Variants in TENM2 observed in about 807,000 individuals in gnomAD.
TENM2 encodes teneurin-2.
Under a neutral mutation model 245.2 loss-of-function variants are expected in TENM2, and 52 were observed. That is an observed-to-expected ratio of 0.21 (90% CI 0.17 to 0.27). The LOEUF is 0.27. TENM2 is among the 10% of genes least tolerant of loss of function. The probability of loss-of-function intolerance (pLI) is 1.00; values close to 1 mark genes in which losing one functional copy is unlikely to be tolerated. For synonymous variants in TENM2, 1,363 were observed against 1,438.9 expected, an observed-to-expected ratio of 0.95 and a Z score of 1.19; for missense variants, 3,046 against 3,666.8, an observed-to-expected ratio of 0.83 and a Z score of 4.37.
At chr5:167,019,580 C>T in the TENM2 span, among the ~76,000 whole-genome samples, 1 of 152,088 alleles carries the variant, frequency 6.6e-6, no homozygotes, top group East Asian at 1.9e-4. Context: ...AAGCAATTCT[C>T]CTGCCTCAGC....
At chr5:167,374,918 A>G (rs551515317) in intron 1 of TENM2, among the ~76,000 whole-genome samples, 5 of 152,322 alleles carry the variant, frequency 3.3e-5, no homozygotes, top group Non-Finnish European at 5.9e-5. Flanking sequence ...TTTCAGCTAC[A>G]TGGAGCTACC....
chr5:167,246,186 G>T, the TENM2 span, among the ~76,000 whole-genome samples: 2 of 152,110 alleles, frequency 1.3e-5, no homozygotes, highest in Non-Finnish European at 2.9e-5. Flanking sequence ...GTAATACTCT[G>T]CAGCTTTTGA....
At chr5:167,611,965 T>A (rs568437285) in intron 2 of TENM2, among the ~76,000 whole-genome samples, 1 of 152,150 alleles carries the variant, frequency 6.6e-6, no homozygotes, top group South Asian at 2.1e-4. Flanking sequence ...ACATTTTATA[T>A]CATGTTCCAA....
At chr5:167,461,718 G>A (rs1378057344) in intron 2 of TENM2, among the ~76,000 whole-genome samples, 1 of 152,108 alleles carries the variant, frequency 6.6e-6, no homozygotes, top group Non-Finnish European at 1.5e-5. Context: ...AAGGCTCTAT[G>A]TCAAATAAAT....
At chr5:168,089,937 A>G (rs550672043) in intron 7 of TENM2, among the ~76,000 whole-genome samples, 17 of 152,272 alleles carry the variant, frequency 1.1e-4, no homozygotes, top group Middle Eastern at 3.4e-3. Context: ...TGGGAAAACC[A>G]AGGCACAGAC....
chr5:168,115,850 T>A (rs1034288535), intron 9 of TENM2, among the ~76,000 whole-genome samples: 10 of 152,090 alleles, frequency 6.6e-5, no homozygotes, highest in African/African-American at 2.4e-4. Flanking sequence ...GCATTGACGG[T>A]TTCGAGGCTC....
At chr5:168,030,059 C>A (rs1786976303) in intron 5 of TENM2, among the ~76,000 whole-genome samples, 2 of 150,482 alleles carry the variant, frequency 1.3e-5, no homozygotes, top group Admixed American at 1.3e-4. Flanking sequence ...CTGGAGCAGG[C>A]AGAATGGACA....
intron 2 of TENM2, among the ~76,000 whole-genome samples, chr5:167,522,865 A>G (rs1281718864): frequency 2.0e-5 from 3 of 152,064 alleles, no homozygotes; most frequent in Admixed American, 2.0e-4. Context: ...TATGTGTGTT[A>G]GTATTATGTG....
intron 9 of TENM2, among the ~76,000 whole-genome samples, chr5:168,108,594 A>G (rs1307623325): frequency 6.6e-6 from 1 of 152,232 alleles, no homozygotes; most frequent in Admixed American, 6.5e-5. Flanking sequence ...TTACAGTAAA[A>G]GAAACAAAGA....
At chr5:167,051,580 C>T in the TENM2 span, among the ~76,000 whole-genome samples, 3 of 152,296 alleles carry the variant, frequency 2.0e-5, no homozygotes, top group South Asian at 2.1e-4. Flanking sequence ...TTCGCATTCT[C>T]TTTGGGTGAG....
intron 2 of TENM2, among the ~76,000 whole-genome samples, chr5:167,726,010 T>C (rs1304052177): frequency 6.6e-6 from 1 of 152,186 alleles, no homozygotes; most frequent in Non-Finnish European, 1.5e-5. Context: ...TCTAGAGGTA[T>C]CAGAATTATC....
chr5:167,068,976 T>A, the TENM2 span, among the ~76,000 whole-genome samples: 1 of 152,172 alleles, frequency 6.6e-6, no homozygotes, highest in South Asian at 2.1e-4. Context: ...ATTCATTCGT[T>A]TGAACTCGTC....
chr5:168,172,562 A>G (rs757636144), intron 13 of TENM2, among the ~76,000 whole-genome samples: 30 of 152,228 alleles, frequency 2.0e-4, no homozygotes, highest in Non-Finnish European at 2.9e-4. Context: ...AACCTGGGTC[A>G]AGAACCCTCC....
chr5:168,013,958 C>T (rs1282790395), intron 5 of TENM2, among the ~76,000 whole-genome samples: 2 of 152,186 alleles, frequency 1.3e-5, no homozygotes, highest in Non-Finnish European at 1.5e-5. Context: ...TGATATTCTG[C>T]CTGCCTTTAT....
At chr5:167,966,654 A>C (rs1781406272) in intron 4 of TENM2, among the ~76,000 whole-genome samples, 1 of 152,214 alleles carries the variant, frequency 6.6e-6, no homozygotes, top group South Asian at 2.1e-4. Context: ...CACCATGCTG[A>C]GTGCAAAGAC....
At position 167,657,084 on chromosome 5, in the gene TENM2, T is replaced by G. The variant is rs1050016864; in HGVS notation, c.503-218902T>G. On this transcript the variant is annotated intron_variant, in intron 2 of 28. Transcript: ENST00000518659. ...TTCTTCCTATATAGCTGTTATTTTG[T>G]GTCCTTTAACAAATTCTGCCTATCC... 5.9e-5 allele frequency among the ~76,000 whole-genome samples: 9 copies of G among 152,180 alleles called. 1 individual carries two copies. Among genetic ancestry groups the G allele is most frequent in the Admixed American group, 4.6e-4 (7 of 15,280 alleles).
At chr5:167,394,700 A>T (rs1313462834) in intron 2 of TENM2, among the ~76,000 whole-genome samples, 1 of 151,946 alleles carries the variant, frequency 6.6e-6, no homozygotes, top group Non-Finnish European at 1.5e-5. Context: ...GGGTCAAGTG[A>T]TTCTCCTGCC....
In TENM2 at chr5:167,883,299, G is replaced by A. The variant is rs535493061; in HGVS notation, c.712+7104G>A. Among the ~76,000 whole-genome samples the A allele has an allele frequency of 2.6e-5, 4 of 152,314 alleles. No individual in the cohort carries two copies. In the South Asian group the frequency reaches 8.3e-4, roughly 32 times the overall value. ...TCTCTCGGCATTGTTAACTTGCCTA[G>A]CAATGTACCAAATAGAGATCAGACT... is the stretch of plus-strand genomic sequence containing the variant. On this transcript the variant is annotated intron_variant, in intron 3 of 28. Transcript: ENST00000518659.
At chr5:167,537,890 T>C (rs1249582939) in intron 2 of TENM2, among the ~76,000 whole-genome samples, 2 of 152,246 alleles carry the variant, frequency 1.3e-5, no homozygotes, top group Non-Finnish European at 2.9e-5. Context: ...TTCAATACAC[T>C]TCTTGTAGAA....
Sources: allele counts gnomAD v4.1 joint callset (sites outside exome capture counted in the v4.1 genomes callset), GRCh38; gene constraint gnomAD v4.1.1; transcripts MANE v1.5; gene names NCBI Gene and HGNC (gene_info 2026-07-23, HGNC 2026-07-21).